SYN3: variants seen among roughly 807,000 people sequenced by gnomAD.
The protein encoded by SYN3 is synapsin III.
Under a neutral mutation model 65.8 loss-of-function variants are expected in SYN3, and 35 were observed. That is an observed-to-expected ratio of 0.53 (90% CI 0.41 to 0.70). The LOEUF (loss-of-function observed/expected upper bound fraction) is 0.70, where lower values mean the gene tolerates loss of function less well. SYN3 is among the 30% of genes least tolerant of loss of function. The pLI, the probability that SYN3 is intolerant of heterozygous loss-of-function variation, is 0.00. For missense variants in SYN3, 680 were observed against 749.0 expected (o/e 0.91, Z 1.08); for synonymous variants, 270 against 292.9 (o/e 0.92, Z 0.80).
intron 6 of SYN3, among the ~76,000 whole-genome samples, chr22:32,718,388 A>ATT (rs2061067957): frequency 6.6e-6 from 1 of 152,094 alleles, no homozygotes; most frequent in Non-Finnish European, 1.5e-5. Context: ...GAAAGACTCC[A>ATT]AACTGCTTCT....
chr22:32,776,764 C>T (rs2045918077), intron 6 of SYN3, among the ~76,000 whole-genome samples: 1 of 152,176 alleles, frequency 6.6e-6, no homozygotes, highest in South Asian at 2.1e-4. Context: ...ATTTTGTAAA[C>T]TGTAAAGTGC....
At chr22:32,896,329 C>T (rs756552541) in intron 4 of SYN3, among the ~76,000 whole-genome samples, 7 of 152,138 alleles carry the variant, frequency 4.6e-5, no homozygotes, top group South Asian at 2.1e-4. Context: ...TGGTGGCATG[C>T]GCTGTAGTCC....
chr22:32,794,384 T>G (rs1474026714), intron 6 of SYN3, among the ~76,000 whole-genome samples: 1 of 152,160 alleles, frequency 6.6e-6, no homozygotes, highest in Non-Finnish European at 1.5e-5. Flanking sequence ...TTTTGGTTGG[T>G]TTGCTGAGCT....
At chr22:32,987,076 A>G (rs1239810938) in intron 2 of SYN3, among the ~76,000 whole-genome samples, 1 of 151,946 alleles carries the variant, frequency 6.6e-6, no homozygotes, top group African/African-American at 2.4e-5. Flanking sequence ...TTTCCAATAA[A>G]TCGATCCTGT....
intron 3 of SYN3, among the ~76,000 whole-genome samples, chr22:32,949,868 C>T (rs777756834): frequency 1.3e-5 from 2 of 152,104 alleles, no homozygotes; most frequent in Non-Finnish European, 2.9e-5. Context: ...CTGGAATGTA[C>T]ACAAGAAACC....
intron 2 of SYN3, among the ~76,000 whole-genome samples, chr22:32,988,323 A>G (rs2052594374): frequency 6.8e-6 from 1 of 146,980 alleles, no homozygotes; most frequent in African/African-American, 2.5e-5. Context: ...TAATAATAAT[A>G]ATAATAATAA....
rs901542664 is a variant in SYN3 at position 32,801,478 on chromosome 22, C to T, written c.711+63437G>A. On this transcript the variant is annotated intron_variant, in intron 6 of 13. Coordinates refer to ENST00000358763, the MANE Select transcript of SYN3 (RefSeq NM_003490.4). This position sits in a 1 kb window ranked among gnomAD's most constrained non-coding sequence, Gnocchi z 4.7. ...GCAAGCACCGGTCCCGGGCGCGCCC[C>T]AGCCCACCCACTCGCGTGCCCACGG... Among the ~76,000 whole-genome samples the T allele has an allele frequency of 3.3e-5, 5 of 152,224 alleles. No homozygotes were observed. Among genetic ancestry groups the T allele is most frequent in the Non-Finnish European group, 5.9e-5 (4 of 68,040 alleles).
chr22:32,610,965 A>G (rs978834158), intron 6 of SYN3, among the ~76,000 whole-genome samples: 16 of 152,154 alleles, frequency 1.1e-4, no homozygotes, highest in African/African-American at 3.9e-4. Context: ...TGTTGTATGG[A>G]TGGTGTCTGA....
At chr22:32,874,513 T>A (rs1254989597) in intron 4 of SYN3, among the ~76,000 whole-genome samples, 1 of 152,218 alleles carries the variant, frequency 6.6e-6, no homozygotes, top group Non-Finnish European at 1.5e-5. Flanking sequence ...GTGAAGTGAC[T>A]CTTAACCATT....
chr22:32,695,385 T>C (rs2060721970), intron 6 of SYN3, among the ~76,000 whole-genome samples: 1 of 152,234 alleles, frequency 6.6e-6, no homozygotes, highest in Non-Finnish European at 1.5e-5. Context: ...TGCTTGTTTG[T>C]AGTTTTACTT....
chr22:32,758,413 C>T (rs2045355757), intron 6 of SYN3, among the ~76,000 whole-genome samples: 2 of 151,634 alleles, frequency 1.3e-5, no homozygotes, highest in South Asian at 4.2e-4. Context: ...AGTCACTGGG[C>T]TGGGGAAGAC....
In SYN3 at chr22:32,538,069, G is replaced by C. The variant is rs1220798314; in HGVS notation, c.959C>G (p.Ser320Cys). 6.2e-7 allele frequency: 1 copy of C among 1,614,186 alleles called. No individual in the cohort carries two copies. The highest frequency in any genetic ancestry group is 1.1e-5 in the South Asian group (1 of 91,080). ...CATGGCCACCTGCTCCAGCATGGCAGAGCCTGTGTTGGCCTTCCAGTTCCC... is the reference window on the plus strand; with the variant it reads ...CATGGCCACCTGCTCCAGCATGGCACAGCCTGTGTTGGCCTTCCAGTTCCC... ...ISGNWKANTGSAMLEQVAMTE... is the reference protein window; with the variant it reads ...ISGNWKANTGCAMLEQVAMTE... Residue 320 changes from serine (S) to cysteine (C), a missense_variant, in exon 9 of 14, where the codon TCT becomes TGT. Transcript: ENST00000358763.
chr22:32,908,708 G>A (rs2049969871), intron 4 of SYN3, among the ~76,000 whole-genome samples: 1 of 152,118 alleles, frequency 6.6e-6, no homozygotes, highest in Middle Eastern at 3.2e-3. Context: ...GAGTTAAGTA[G>A]CGGTGACAGG....
At chr22:32,728,955 A>C (rs1183804992) in intron 6 of SYN3, among the ~76,000 whole-genome samples, 1 of 152,212 alleles carries the variant, frequency 6.6e-6, no homozygotes, top group Non-Finnish European at 1.5e-5. Context: ...GTCTGTCTGC[A>C]TGCCTGGGAA....
chr22:32,585,978 ATATGTATGTATACGTATATATG>A (rs150097379), intron 7 of SYN3, among the ~76,000 whole-genome samples: 121 of 32,062 alleles, frequency 3.8e-3, no homozygotes, highest in East Asian at 6.8e-3. Context: ...ATATATGTAT[ATATGTATGTATACGTATATATG>A]TATGTATGTA....
intron 6 of SYN3, among the ~76,000 whole-genome samples, chr22:32,845,612 T>G (rs1170408927): frequency 6.6e-6 from 1 of 152,162 alleles, no homozygotes; most frequent in East Asian, 1.9e-4. Flanking sequence ...GACACCAACC[T>G]AGTTCATGCC....
intron 7 of SYN3, among the ~76,000 whole-genome samples, chr22:32,552,704 C>G (rs2058435550): frequency 6.6e-6 from 1 of 152,130 alleles, no homozygotes; most frequent in African/African-American, 2.4e-5. Flanking sequence ...CACGAGGTGC[C>G]TAAGAGATTT....
At chr22:32,561,351 A>G (rs893527867) in intron 7 of SYN3, among the ~76,000 whole-genome samples, 5 of 152,130 alleles carry the variant, frequency 3.3e-5, no homozygotes, top group Non-Finnish European at 7.4e-5. Flanking sequence ...ATTTTCTAGT[A>G]TTTACAGCCA....
chr22:32,832,445 G>A (rs1266333863), intron 6 of SYN3, among the ~76,000 whole-genome samples: 1 of 151,432 alleles, frequency 6.6e-6, no homozygotes, highest in African/African-American at 2.4e-5. Context: ...AACTCACATA[G>A]AAAATGAATG....
Sources: allele counts gnomAD v4.1 joint callset (sites outside exome capture counted in the v4.1 genomes callset), GRCh38; gene constraint gnomAD v4.1.1; non-coding constraint Gnocchi (gnomAD v3.1); transcripts MANE v1.5; gene names NCBI Gene and HGNC (gene_info 2026-07-23, HGNC 2026-07-21).